The following CUX2 variants were observed in gnomAD, a reference collection of about 807,000 sequenced individuals.
The protein encoded by CUX2 is cut like homeobox 2, also known as homeobox protein cut-like 2.
CUX2 carries 40 observed loss-of-function variants against 144.8 expected under a neutral mutation model. The ratio of observed to expected loss-of-function variants is 0.28; its 90% CI spans 0.21 to 0.36. CUX2 has a LOEUF of 0.36. Among genes scored for constraint, CUX2 ranks in the 10% least tolerant of loss-of-function variants. The pLI is 1.00. For synonymous variants in CUX2, 827 were observed against 875.6 expected (o/e 0.94, Z 0.98); for missense variants, 1,615 against 1,994.0 (o/e 0.81, Z 3.62).
chr12:111,323,215 A>G (rs1371488073), intron 18 of CUX2, among the ~76,000 whole-genome samples: 1 of 152,198 alleles, frequency 6.6e-6, no homozygotes, highest in Non-Finnish European at 1.5e-5. Flanking sequence ...CAAGGAGAGG[A>G]CATCAGACCT....
In CUX2 at chr12:111,349,592, A is replaced by G. The variant is rs1286571189; in HGVS notation, c.*1267A>G. 2.6e-5 allele frequency: 4 copies of G among 152,180 alleles called. No homozygotes were observed. Among genetic ancestry groups the G allele is most frequent in the Admixed American group, 2.0e-4 (3 of 15,258 alleles). The allele number at this position is 152,180 out of a possible 1,614,324, so 9.4% of individuals were successfully genotyped here. A position where few individuals can be genotyped will look rare whatever the true frequency, so the allele number is the denominator to read the frequency against. ...GCATGTTCACCATATCCCAGCCTCCAAATCTATCCTCCTACCTTCCAACGC... is the reference window on the plus strand; with the variant it reads ...GCATGTTCACCATATCCCAGCCTCCGAATCTATCCTCCTACCTTCCAACGC... On this transcript the variant is annotated 3_prime_UTR_variant, in exon 22 of 22. Coordinates refer to ENST00000261726, the MANE Select transcript of CUX2 (RefSeq NM_015267.4).
intron 3 of CUX2, among the ~76,000 whole-genome samples, chr12:111,250,051 G>C (rs1883490393): frequency 6.6e-6 from 1 of 152,030 alleles, no homozygotes; most frequent in Non-Finnish European, 1.5e-5. Flanking sequence ...CGGTGTCACT[G>C]CCATCGGGAA....
rs939568925 is a variant in CUX2 at position 111,287,012 on chromosome 12, C to G, written c.302-4406C>G. Among the ~76,000 whole-genome samples, 1 of 152,098 alleles carries G rather than the reference C, an allele frequency of 6.6e-6. No homozygotes were observed. Among genetic ancestry groups the G allele is most frequent in the East Asian group, 1.9e-4 (1 of 5,196 alleles). The stretch of plus-strand genomic sequence containing the variant: ...AGCTTAATGACTGTTTTACACTGTA[C>G]CTGCAAAGGAAGGCAAAAAGACAGA... On this transcript the variant is annotated intron_variant, in intron 4 of 21. Transcript: ENST00000261726. The surrounding 1 kb of genome is among the most constrained non-coding windows in gnomAD (Gnocchi z 4.2).
At chr12:111,330,741 ATATATATAT>A (rs1888086626) in intron 18 of CUX2, among the ~76,000 whole-genome samples, 1 of 105,616 alleles carries the variant, frequency 9.5e-6, no homozygotes, top group African/African-American at 3.0e-5. Flanking sequence ...ATATATATAT[ATATATATAT>A]AAAGAGAGAG....
chr12:111,331,665 T>G (rs562907013), intron 18 of CUX2, among the ~76,000 whole-genome samples: 1 of 152,270 alleles, frequency 6.6e-6, no homozygotes, highest in East Asian at 1.9e-4. Flanking sequence ...ACGTGTCTTA[T>G]GGCCCCATTT....
At chr12:111,122,277 C>T (rs903778235) in intron 1 of CUX2, among the ~76,000 whole-genome samples, 5 of 152,126 alleles carry the variant, frequency 3.3e-5, no homozygotes, top group Admixed American at 6.5e-5. Context: ...CTTTCATTAC[C>T]GAGGAATAAG....
At chr12:111,209,471 A>T (rs1243514549) in intron 1 of CUX2, among the ~76,000 whole-genome samples, 1 of 152,252 alleles carries the variant, frequency 6.6e-6, no homozygotes, top group South Asian at 2.1e-4. Flanking sequence ...AAAGAGAACC[A>T]TAGGAGTCCC....
At chr12:111,176,589 G>A (rs754673990) in intron 1 of CUX2, among the ~76,000 whole-genome samples, 2 of 152,132 alleles carry the variant, frequency 1.3e-5, no homozygotes, top group Non-Finnish European at 1.5e-5. Context: ...TTGTCCTGGG[G>A]ACTTTATTCA....
chr12:111,330,714 T>TACATATATATATATATATAC (rs1565926154), intron 18 of CUX2, among the ~76,000 whole-genome samples: 3 of 36,482 alleles, frequency 8.2e-5, no homozygotes, highest in African/African-American at 4.8e-4. Context: ...TATATATATA[T>TACATATATATATATATATAC]ATATATATAT....
At chr12:111,182,037 A>G (rs1267412400) in intron 1 of CUX2, among the ~76,000 whole-genome samples, 1 of 152,150 alleles carries the variant, frequency 6.6e-6, no homozygotes, top group Non-Finnish European at 1.5e-5. Flanking sequence ...GGAGGCGCAC[A>G]GGGAGGTGGG....
chr12:111,257,586 C>T (rs1157081243), intron 3 of CUX2, among the ~76,000 whole-genome samples: 8 of 115,554 alleles, frequency 6.9e-5, no homozygotes, highest in African/African-American at 2.7e-4. Context: ...CCTCTTTCCT[C>T]TCCCTCCTCC....
chr12:111,060,469 T>C (rs955003259), intron 1 of CUX2, among the ~76,000 whole-genome samples: 5 of 152,228 alleles, frequency 3.3e-5, no homozygotes, highest in South Asian at 2.1e-4. Flanking sequence ...ATAATGCACA[T>C]CATAATTGAT....
intron 3 of CUX2, among the ~76,000 whole-genome samples, chr12:111,242,020 G>T (rs1332316698): frequency 6.6e-6 from 1 of 152,210 alleles, no homozygotes; most frequent in Admixed American, 6.5e-5. Flanking sequence ...AGACATAATT[G>T]TTCATCATTT....
In CUX2 at chr12:111,037,126, T is replaced by TGCCCAGCCCCAGG. The variant is rs1043648894; in HGVS notation, c.63+2886_63+2887insGCCCAGCCCCAGG. Among the ~76,000 whole-genome samples the TGCCCAGCCCCAGG allele has an allele frequency of 2.0e-5, 3 of 152,004 alleles. No individual in the cohort carries two copies. The highest frequency in any genetic ancestry group is 7.3e-5 in the African/African-American group (3 of 41,376). Reference sequence around the variant, plus strand: ...CTGAGATCCAGGTAGGAGAGGCAGGTCCCCGTGCCCAGCCCCAGGCAGCCG... The same window carrying TGCCCAGCCCCAGG: ...CTGAGATCCAGGTAGGAGAGGCAGGTGCCCAGCCCCAGGCCCCGTGCCCAGCCCCAGGCAGCCG... On this transcript the variant is annotated intron_variant, in intron 1 of 21. Transcript: ENST00000261726. This position sits in a 1 kb window ranked among gnomAD's most constrained non-coding sequence, Gnocchi z 5.4.
chr12:111,211,528 C>T (rs550266677), intron 1 of CUX2, among the ~76,000 whole-genome samples: 47 of 152,266 alleles, frequency 3.1e-4, no homozygotes, highest in African/African-American at 1.1e-3. Flanking sequence ...GCAAAGTTCA[C>T]CCCCACCAGG....
intron 1 of CUX2, among the ~76,000 whole-genome samples, chr12:111,134,620 C>CTCTCTGTGTGTGTGTGTGTGTGTG (rs1026548098): frequency 7.0e-6 from 1 of 142,130 alleles, no homozygotes; most frequent in African/African-American, 2.8e-5. Flanking sequence ...CTCTCTCTCT[C>CTCTCTGTGTGTGTGTGTGTGTGTG]TGTGTGTGTG....
At chr12:111,220,923 G>A (rs1881819931) in intron 3 of CUX2, among the ~76,000 whole-genome samples, 1 of 138,074 alleles carries the variant, frequency 7.2e-6, no homozygotes, top group Admixed American at 7.6e-5. Flanking sequence ...GCAACAGAGC[G>A]AGACCTGGTC....
intron 1 of CUX2, among the ~76,000 whole-genome samples, chr12:111,149,248 T>C (rs1332821158): frequency 7.2e-5 from 11 of 152,334 alleles, no homozygotes; most frequent in Non-Finnish European, 5.9e-5. Flanking sequence ...TAAACTTTCT[T>C]AAAACATCAT....
chr12:111,225,972 C>T (rs1213050701), intron 3 of CUX2, among the ~76,000 whole-genome samples: 1 of 152,182 alleles, frequency 6.6e-6, no homozygotes, highest in Non-Finnish European at 1.5e-5. Flanking sequence ...ACACACATGA[C>T]CCACCCTTTT....
Sources: allele counts gnomAD v4.1 joint callset (sites outside exome capture counted in the v4.1 genomes callset), GRCh38; gene constraint gnomAD v4.1.1; non-coding constraint Gnocchi (gnomAD v3.1); transcripts MANE v1.5; gene names NCBI Gene and HGNC (gene_info 2026-07-23, HGNC 2026-07-21).